Variants in DOCK1 observed in about 807,000 individuals in gnomAD.
DOCK1 encodes the protein dedicator of cytokinesis protein 1.
In DOCK1, 138 loss-of-function variants were observed where a neutral mutation model predicts 262.7. That is an observed-to-expected ratio of 0.53 (90% confidence interval 0.46 to 0.61). The LOEUF is 0.61. DOCK1 is among the 20% of genes least tolerant of loss of function. DOCK1 has a pLI of 0.00. For missense variants in DOCK1, 1,908 were observed against 2,370.7 expected (o/e 0.80, Z 4.05); for synonymous variants, 866 against 867.4 (o/e 1.00, Z 0.03).
At chr10:126,983,139 A>G (rs1359836364) in intron 4 of DOCK1, among the ~76,000 whole-genome samples, 1 of 152,196 alleles carries the variant, frequency 6.6e-6, no homozygotes, top group Non-Finnish European at 1.5e-5. Context: ...GCAAATGCAT[A>G]GAGCTATGGT....
intron 1 of DOCK1, among the ~76,000 whole-genome samples, chr10:126,938,747 A>T (rs2034727557): frequency 7.0e-6 from 1 of 142,352 alleles, no homozygotes; most frequent in African/African-American, 2.5e-5. Flanking sequence ...TCCAGAGGGG[A>T]TGAACACCGG....
At chr10:127,240,574 A>G (rs1187889957) in intron 27 of DOCK1, among the ~76,000 whole-genome samples, 1 of 152,164 alleles carries the variant, frequency 6.6e-6, no homozygotes, top group Non-Finnish European at 1.5e-5. Flanking sequence ...AATTAATAAA[A>G]CGTGACATAC....
Position 127,418,553 on chromosome 10 carries a change from A to C in DOCK1, c.4692+12A>C. ...CAAACTACGAAAAGGTACGGGACCC[A>C]CCAGCTTGCTCTGGGCAAGCAGTCC... On this transcript the variant is annotated intron_variant, in intron 45 of 51. Transcript: ENST00000623213. 6.2e-7 allele frequency: 1 copy of C among 1,609,378 alleles called. No individual in the cohort carries two copies.
At chr10:127,058,112 A>G (rs1292423785) in intron 22 of DOCK1, among the ~76,000 whole-genome samples, 1 of 152,156 alleles carries the variant, frequency 6.6e-6, no homozygotes, top group African/African-American at 2.4e-5. Context: ...GATGCTTCAA[A>G]AGGATCACGG....
chr10:127,147,256 C>T (rs576221782), intron 27 of DOCK1, among the ~76,000 whole-genome samples: 2 of 152,244 alleles, frequency 1.3e-5, no homozygotes, highest in African/African-American at 4.8e-5. Flanking sequence ...GGAGTGTTCA[C>T]GGGTCGCGAG....
intron 29 of DOCK1, among the ~76,000 whole-genome samples, chr10:127,336,124 G>A (rs1409626989): frequency 6.6e-6 from 1 of 151,862 alleles, no homozygotes; most frequent in African/African-American, 2.4e-5. Context: ...CACCACACTC[G>A]GCCGACTAAT....
At chr10:126,915,828 C>T (rs2032425218) in intron 1 of DOCK1, among the ~76,000 whole-genome samples, 1 of 152,126 alleles carries the variant, frequency 6.6e-6, no homozygotes, top group Non-Finnish European at 1.5e-5. Context: ...CACCCCAGGC[C>T]CCTTTCCTGT....
chr10:127,306,364 A>G (rs1169005802), intron 29 of DOCK1, among the ~76,000 whole-genome samples: 1 of 152,090 alleles, frequency 6.6e-6, no homozygotes, highest in Non-Finnish European at 1.5e-5. Context: ...CGAAAACCTC[A>G]AAAGGGGGCT....
chr10:127,220,831 T>C (rs2058406362), intron 27 of DOCK1, among the ~76,000 whole-genome samples: 1 of 152,182 alleles, frequency 6.6e-6, no homozygotes, highest in South Asian at 2.1e-4. Flanking sequence ...TTGAATACTC[T>C]GCTTATAGAT....
intron 50 of DOCK1, among the ~76,000 whole-genome samples, chr10:127,444,511 G>A (rs952141136): frequency 5.9e-5 from 9 of 152,112 alleles, no homozygotes; most frequent in African/African-American, 2.2e-4. Context: ...GGCAGAAAGT[G>A]CAGGGTCTGT....
chr10:127,006,830 C>T (rs2041064337), intron 10 of DOCK1, among the ~76,000 whole-genome samples: 1 of 152,170 alleles, frequency 6.6e-6, no homozygotes, highest in African/African-American at 2.4e-5. Context: ...GAGCAGAGCT[C>T]TGCAGGCACC....
At chr10:127,141,987 C>T (rs2051306381) in intron 27 of DOCK1, among the ~76,000 whole-genome samples, 1 of 152,220 alleles carries the variant, frequency 6.6e-6, no homozygotes, top group Non-Finnish European at 1.5e-5. Context: ...TAGGATTCTA[C>T]AGTAAGATCT....
At chr10:127,249,198 A>T (rs186575999) in intron 28 of DOCK1, among the ~76,000 whole-genome samples, 3 of 152,158 alleles carry the variant, frequency 2.0e-5, no homozygotes, top group Admixed American at 2.0e-4. Flanking sequence ...GAAGAGAATG[A>T]TCTGTATGAG....
chr10:127,276,932 G>A (rs2060765427), intron 29 of DOCK1, among the ~76,000 whole-genome samples: 1 of 142,758 alleles, frequency 7.0e-6, no homozygotes. Context: ...TGAGCAGCCA[G>A]TCAGTGTGCA....
At chr10:127,000,975 G>T (rs1455869462) in intron 10 of DOCK1, 1 of 153,056 alleles carries the variant, frequency 6.5e-6, no homozygotes, top group East Asian at 1.9e-4. Flanking sequence ...CACGAGGAAT[G>T]TGAAAGACCA....
intron 27 of DOCK1, among the ~76,000 whole-genome samples, chr10:127,134,763 G>A (rs1045549978): frequency 3.3e-5 from 5 of 152,148 alleles, no homozygotes; most frequent in African/African-American, 9.7e-5. Context: ...TGCGATGGTA[G>A]CAGGAGCCTT....
intron 1 of DOCK1, among the ~76,000 whole-genome samples, chr10:126,937,185 GAA>G (rs1245896367): frequency 2.6e-5 from 4 of 152,158 alleles, no homozygotes; most frequent in Non-Finnish European, 5.9e-5. Context: ...TTGTAAGGCT[GAA>G]TAATATTCCA....
At chr10:127,299,485 C>A (rs2061611132) in intron 29 of DOCK1, among the ~76,000 whole-genome samples, 1 of 152,118 alleles carries the variant, frequency 6.6e-6, no homozygotes, top group South Asian at 2.1e-4. Context: ...TGCTGTGTGA[C>A]CGTGGAGGTG....
chr10:127,183,582 C>T (rs866377929), intron 27 of DOCK1, among the ~76,000 whole-genome samples: 11 of 152,112 alleles, frequency 7.2e-5, no homozygotes, highest in African/African-American at 2.7e-4. Context: ...CAATCCTAAC[C>T]GAAGTCTGCA....
Sources: gnomAD v4.1 joint callset for allele counts (sites outside exome capture counted in the v4.1 genomes callset) on GRCh38, gnomAD v4.1.1 for gene constraint, MANE v1.5 for transcripts, NCBI Gene and HGNC (gene_info 2026-07-23, HGNC 2026-07-21) for gene names.